FSTL5: variants seen among roughly 807,000 people sequenced by gnomAD.
FSTL5 encodes follistatin like 5.
A neutral mutation model predicts 89.1 loss-of-function variants in FSTL5; 62 were observed. The observed-to-expected ratio is 0.70, with a 90% CI of 0.57 to 0.86. The LOEUF is 0.86. Among genes scored for constraint, FSTL5 ranks in the 40% least tolerant of loss-of-function variants. The pLI, the probability that FSTL5 is intolerant of heterozygous loss-of-function variation, is 0.00. For missense variants in FSTL5, 1,057 were observed against 1,001.6 expected, an observed-to-expected ratio of 1.06 and a Z score of -0.75; for synonymous variants, 383 against 346.2, an observed-to-expected ratio of 1.11 and a Z score of -1.18.
At chr4:162,100,060 C>T (rs528916355) in intron 2 of FSTL5, among the ~76,000 whole-genome samples, 1 of 152,298 alleles carries the variant, frequency 6.6e-6, no homozygotes, top group South Asian at 2.1e-4. Flanking sequence ...AGCGATCATG[C>T]TCCTTGGTAT....
chr4:161,985,391 T>C (rs1735936297), intron 3 of FSTL5, among the ~76,000 whole-genome samples: 1 of 152,130 alleles, frequency 6.6e-6, no homozygotes, highest in Admixed American at 6.5e-5. Context: ...TAGAACTAGT[T>C]TTTTTGAAAA....
chr4:162,149,654 CAAAAAAT>C (rs1733150310), intron 1 of FSTL5, among the ~76,000 whole-genome samples: 1 of 150,904 alleles, frequency 6.6e-6, no homozygotes, highest in South Asian at 2.1e-4. Context: ...CCCTGTCTCT[CAAAAAAT>C]AAAAAATAAA....
chr4:161,416,060 G>A (rs1255411054), intron 15 of FSTL5, among the ~76,000 whole-genome samples: 1 of 151,824 alleles, frequency 6.6e-6, no homozygotes, highest in Non-Finnish European at 1.5e-5. Flanking sequence ...GCTTTTTGAG[G>A]CCAATTCATC....
chr4:161,850,859 T>G (rs1206615136), intron 4 of FSTL5, among the ~76,000 whole-genome samples: 1 of 152,164 alleles, frequency 6.6e-6, no homozygotes, highest in Non-Finnish European at 1.5e-5. Context: ...TGAGATAATG[T>G]CTTTTGCAGG....
intron 1 of FSTL5, among the ~76,000 whole-genome samples, chr4:162,122,842 T>A (rs1731925303): frequency 6.6e-6 from 1 of 152,152 alleles, no homozygotes; most frequent in Non-Finnish European, 1.5e-5. Flanking sequence ...TAGTGTAATG[T>A]GGAAAAGTGA....
chr4:161,641,166 GA>G (rs1227108362), intron 7 of FSTL5, among the ~76,000 whole-genome samples: 1 of 151,986 alleles, frequency 6.6e-6, no homozygotes, highest in Non-Finnish European at 1.5e-5. Flanking sequence ...TCTGCAGGGT[GA>G]AAAAAGGTTA....
intron 7 of FSTL5, among the ~76,000 whole-genome samples, chr4:161,601,726 A>G (rs1349426401): frequency 6.6e-6 from 1 of 152,132 alleles, no homozygotes; most frequent in Non-Finnish European, 1.5e-5. Flanking sequence ...ATCAATTAAT[A>G]CAGCTCCCAC....
chr4:161,920,293 T>G (rs758409177), intron 4 of FSTL5, 111 bp downstream of exon 4: 20 of 1,072,038 alleles, frequency 1.9e-5, no homozygotes, highest in Non-Finnish European at 2.4e-5. Flanking sequence ...ATTTTGTGTT[T>G]CTTTTCCTTT....
chr4:161,864,182 A>G (rs542192047), intron 4 of FSTL5, among the ~76,000 whole-genome samples: 23 of 152,180 alleles, frequency 1.5e-4, no homozygotes, highest in Non-Finnish European at 2.9e-4. Context: ...ATCCTGAGAG[A>G]AGCCACAAAA....
At chr4:161,479,289 T>C (rs1578865837) in intron 13 of FSTL5, among the ~76,000 whole-genome samples, 2 of 152,218 alleles carry the variant, frequency 1.3e-5, no homozygotes, top group Admixed American at 1.3e-4. Flanking sequence ...ACCATATCAC[T>C]TGAACATTTT....
At position 162,163,831 on chromosome 4, in the gene FSTL5, T is replaced by C. The variant is rs940717895; in HGVS notation, c.-233A>G. ...CCACGTCCGATACCACACTCCTTTGTCAAGTTGATATGGGTCCTGTTGGTG... is the reference window on the plus strand; with the variant it reads ...CCACGTCCGATACCACACTCCTTTGCCAAGTTGATATGGGTCCTGTTGGTG... On this transcript the variant is annotated 5_prime_UTR_variant, in exon 1 of 16. Transcript: ENST00000306100. 3 of 152,232 alleles carry C rather than the reference T, an allele frequency of 2.0e-5. No homozygotes were observed. The highest frequency in any genetic ancestry group is 1.9e-4 in the East Asian group (1 of 5,180). 9.4% of individuals were successfully genotyped at this position (152,232 alleles called of 1,614,324 possible). A position where few individuals can be genotyped will look rare whatever the true frequency, so the allele number is the denominator to read the frequency against.
chr4:161,681,719 A>C (rs1411356541), intron 6 of FSTL5, among the ~76,000 whole-genome samples: 1 of 152,144 alleles, frequency 6.6e-6, no homozygotes, highest in Non-Finnish European at 1.5e-5. Flanking sequence ...TTTTCCCCTC[A>C]TATTATCTCA....
chr4:161,951,717 T>C (rs893737574), intron 3 of FSTL5, among the ~76,000 whole-genome samples: 4 of 152,066 alleles, frequency 2.6e-5, no homozygotes, highest in African/African-American at 7.2e-5. Context: ...AAATGTCAAA[T>C]ATCACAATGT....
In FSTL5 at chr4:161,941,347, G is replaced by A. The variant is rs192618648; in HGVS notation, c.161-20695C>T. ...GGATTAAAGTCTTATTCAAAAGGAA[G>A]GGATTGGCAGAATGGATAAAAATGG... On this transcript the variant is annotated intron_variant, in intron 3 of 15. Transcript: ENST00000306100. 2.0e-3 allele frequency among the ~76,000 whole-genome samples: 311 copies of A among 151,934 alleles called. 1 individual carries two copies. The highest frequency in any genetic ancestry group is 7.1e-3 in the African/African-American group (294 of 41,528).
intron 15 of FSTL5, among the ~76,000 whole-genome samples, chr4:161,396,700 G>GC (rs1472491014): frequency 7.0e-6 from 1 of 142,548 alleles, no homozygotes; most frequent in East Asian, 2.1e-4. Context: ...TGGGATATAA[G>GC]CCATATTATC....
chr4:161,420,060 T>A, intron 15 of FSTL5, among the ~76,000 whole-genome samples: 1 of 152,192 alleles, frequency 6.6e-6, no homozygotes, highest in East Asian at 1.9e-4. Flanking sequence ...TAAGAAAGAA[T>A]ATGTCTGGAA....
intron 3 of FSTL5, among the ~76,000 whole-genome samples, chr4:161,956,291 TTAAGAA>T (rs1298622797): frequency 6.6e-6 from 1 of 151,568 alleles, no homozygotes; most frequent in Non-Finnish European, 1.5e-5. Flanking sequence ...GATTGCCCAA[TTAAGAA>T]TAAGAATAAA....
At position 161,957,848 on chromosome 4, in the gene FSTL5, C is replaced by G. The variant is rs539408342; in HGVS notation, c.161-37196G>C. ...TGTAGTTGTTGAGATCCATATAAAG[C>G]TATCTTGATTTTTCTTGCTTTGGGG... On this transcript the variant is annotated intron_variant, in intron 3 of 15. Coordinates refer to ENST00000306100, the MANE Select transcript of FSTL5 (RefSeq NM_020116.5). 2.1e-4 allele frequency among the ~76,000 whole-genome samples: 32 copies of G among 152,104 alleles called. 1 individual carries two copies. The South Asian group carries it at 6.6e-3, about 32-fold the overall frequency.
chr4:161,744,989 A>G (rs928263641), intron 6 of FSTL5, among the ~76,000 whole-genome samples: 1 of 151,942 alleles, frequency 6.6e-6, no homozygotes, highest in Non-Finnish European at 1.5e-5. Context: ...ATTCTGCTTT[A>G]TCGGATCCAG....
Sources: gnomAD v4.1 joint callset for allele counts (sites outside exome capture counted in the v4.1 genomes callset) on GRCh38, gnomAD v4.1.1 for gene constraint, MANE v1.5 for transcripts, NCBI Gene and HGNC (gene_info 2026-07-23, HGNC 2026-07-21) for gene names.